Variants in ZNF175 observed in about 807,000 individuals in gnomAD.
ZNF175 encodes the protein zinc finger protein 175, also known as zinc finger protein OTK18.
A neutral mutation model predicts 14.0 loss-of-function variants in ZNF175; 8 were observed. The observed-to-expected ratio is 0.57, with a 90% CI of 0.34 to 1.03. The LOEUF is 1.03. Among genes scored for constraint, ZNF175 ranks in the 50% least tolerant of loss-of-function variants. ZNF175 has a pLI of 0.03. For missense variants in ZNF175, 764 were observed against 849.5 expected (o/e 0.90, Z 1.25); for synonymous variants, 255 against 296.8 (o/e 0.86, Z 1.45).
chr19:51,589,597 C>T lies in ZNF175; in HGVS notation c.*1130C>T, dbSNP rs1982292773. 2.8e-6 allele frequency: 2 copies of T among 701,900 alleles called. No individual in the cohort carries two copies. Among genetic ancestry groups the T allele is most frequent in the Non-Finnish European group, 5.2e-6 (2 of 384,732 alleles). The allele number at this position is 701,900 out of a possible 1,614,324, so 43.5% of individuals were successfully genotyped here. A position where few individuals can be genotyped will look rare whatever the true frequency, so the allele number is the denominator to read the frequency against. ...TCCATCTCCACCATCTATAGTGAGC[C>T]TCTCCATAATTAGTGCCAACCATTA... On this transcript the variant is annotated 3_prime_UTR_variant, in exon 5 of 5. Coordinates refer to ENST00000262259, the MANE Select transcript of ZNF175 (RefSeq NM_007147.4).
rs1443727792 is a variant in ZNF175, at chr19:51,591,285, GC to G, written c.*2819del. The G allele has an allele frequency of 6.6e-6, 1 of 152,266 alleles. No homozygotes were observed. Among genetic ancestry groups the G allele is most frequent in the African/African-American group, 2.4e-5 (1 of 41,414 alleles). 9.4% of individuals were successfully genotyped at this position (152,266 alleles called of 1,614,324 possible). ...TTTTTCTTTCCTCTCAGTACCAAGCGCTGGGACAAGCCAGTCTGTACTCAAT... is the reference window on the plus strand; with the variant it reads ...TTTTTCTTTCCTCTCAGTACCAAGCGTGGGACAAGCCAGTCTGTACTCAAT... On this transcript the variant is annotated 3_prime_UTR_variant, in exon 5 of 5. Transcript: ENST00000262259.
At chr19:51,577,723 G>A (rs1200559440) in intron 2 of ZNF175, among the ~76,000 whole-genome samples, 1 of 147,518 alleles carries the variant, frequency 6.8e-6, no homozygotes, top group Non-Finnish European at 1.5e-5. Flanking sequence ...GAGTGCAGTG[G>A]CACGATCTTG....
At chr19:51,582,460 G>T (rs1470926946) in intron 4 of ZNF175, among the ~76,000 whole-genome samples, 1 of 152,086 alleles carries the variant, frequency 6.6e-6, no homozygotes, top group Non-Finnish European at 1.5e-5. Context: ...ACCACACTCG[G>T]CTAATTTTTT....
At position 51,581,377 on chromosome 19, in the gene ZNF175, G is replaced by T; in HGVS notation, c.73-14G>T. The T allele has an allele frequency of 6.2e-7, 1 of 1,614,126 alleles. No homozygotes were observed. Among genetic ancestry groups the T allele is most frequent in the East Asian group, 2.2e-5 (1 of 44,882 alleles). Reference sequence around the variant, plus strand: ...ATGACCTAATTCACAGTGAGCTGGGGTACACTGTTACAGGCATCAGTGTCA... The same window carrying T: ...ATGACCTAATTCACAGTGAGCTGGGTTACACTGTTACAGGCATCAGTGTCA... On this transcript the variant is annotated splice_polypyrimidine_tract_variant and intron_variant, in intron 2 of 4. Transcript: ENST00000262259.
In ZNF175 at chr19:51,587,667, T is replaced by C; in HGVS notation, c.1336T>C (p.Ser446Pro). The change falls in exon 5 of 5, where the codon TCC (serine) becomes CCC (proline). Residue 446 changes from serine to proline, a missense_variant. By Grantham distance (74) the Ser-to-Pro change is moderately conservative (BLOSUM62 -1). Coordinates refer to ENST00000262259, the MANE Select transcript of ZNF175 (RefSeq NM_007147.4). ...LHQRIHSGQK[S>P]YVCIECGQAF... Reference sequence around the variant, plus strand: ...CCAGAGAATCCACTCAGGGCAGAAGTCCTATGTGTGTATCGAATGCGGGCA... The same window carrying C: ...CCAGAGAATCCACTCAGGGCAGAAGCCCTATGTGTGTATCGAATGCGGGCA... 1 of 1,613,182 alleles carries C rather than the reference T, an allele frequency of 6.2e-7. No homozygotes were observed. The highest frequency in any genetic ancestry group is 1.3e-5 in the African/African-American group (1 of 74,714).
At chr19:51,581,662 T>C in intron 3 of ZNF175, 125 bp from the exon 4 acceptor site, 1 of 1,515,408 alleles carries the variant, frequency 6.6e-7, no homozygotes, top group Non-Finnish European at 8.8e-7. Context: ...TTGGGCACCT[T>C]CTAGTATTAT....
Position 51,587,525 on chromosome 19 carries a change from A to G in ZNF175, c.1194A>G (p.Lys398=). The change falls in exon 5 of 5, where the codon AAA becomes AAG. Residue 398 remains lysine, a synonymous_variant. Coordinates refer to ENST00000262259, the MANE Select transcript of ZNF175 (RefSeq NM_007147.4). ...EKLYECSECG[K]GFSQNSTLII... ...TCTATGAATGCAGTGAATGTGGCAA[A>G]GGCTTCTCCCAAAACTCAACCCTCA... 1 of 1,614,204 alleles carries G rather than the reference A, an allele frequency of 6.2e-7. No individual in the cohort carries two copies. The highest frequency in any genetic ancestry group is 8.5e-7 in the Non-Finnish European group (1 of 1,180,032).
Position 51,581,458 on chromosome 19 carries a change from C to T in ZNF175, c.140C>T (p.Ala47Val), listed in dbSNP as rs558523564. The change falls in exon 3 of 5, where the codon GCC becomes GTC. Residue 47 changes from alanine to valine, a missense_variant. Ala to Val is a moderately conservative substitution (Grantham distance 64, BLOSUM62 0). Transcript: ENST00000262259. ...SREEWQQLDP[A>V]QRCLYRDVML... Reference sequence around the variant, plus strand: ...GAGGAGTGGCAGCAACTGGACCCTGCCCAGAGATGCCTGTACCGGGATGTG... The same window carrying T: ...GAGGAGTGGCAGCAACTGGACCCTGTCCAGAGATGCCTGTACCGGGATGTG... The T allele has an allele frequency of 3.1e-6, 5 of 1,614,094 alleles. No individual in the cohort carries two copies. In the African/African-American group the frequency reaches 5.3e-5, roughly 17 times the overall value.
intron 2 of ZNF175, among the ~76,000 whole-genome samples, chr19:51,574,702 A>C (rs1981714256): frequency 6.6e-6 from 1 of 152,236 alleles, no homozygotes. Flanking sequence ...GAAATTGTCT[A>C]AGTCTTTGTG....
chr19:51,589,316 A>T lies in ZNF175; in HGVS notation c.*849A>T, dbSNP rs1050768014. The T allele has an allele frequency of 1.4e-5, 8 of 553,852 alleles. No individual in the cohort carries two copies. In the African/African-American group the frequency reaches 1.5e-4, roughly 10 times the overall value. The allele number at this position is 553,852 out of a possible 1,614,324, so 34.3% of individuals were successfully genotyped here. A position where few individuals can be genotyped will look rare whatever the true frequency, so the allele number is the denominator to read the frequency against. On this transcript the variant is annotated 3_prime_UTR_variant, in exon 5 of 5. Coordinates refer to ENST00000262259, the MANE Select transcript of ZNF175 (RefSeq NM_007147.4). ...CCCTCAGTGCAGTGGGGTTTGCTGCAGAATTCACTGCATAGCAGGAGATGT... is the reference window on the plus strand; with the variant it reads ...CCCTCAGTGCAGTGGGGTTTGCTGCTGAATTCACTGCATAGCAGGAGATGT...
chr19:51,579,992 TAGAATGTTTTA>T (rs1981942237), intron 2 of ZNF175, among the ~76,000 whole-genome samples: 1 of 151,988 alleles, frequency 6.6e-6, no homozygotes, highest in South Asian at 2.1e-4. Flanking sequence ...ATATAGAATA[TAGAATGTTTTA>T]ATATATGTAA....
rs80115665 is a variant in ZNF175, at chr19:51,586,642, T to C, written c.311T>C (p.Leu104Pro). Residue 104 changes from leucine (L) to proline (P), a missense_variant, in exon 5 of 5, where the codon CTT becomes CCT. By Grantham distance (98) the Leu-to-Pro change is moderately conservative (BLOSUM62 -3). Transcript: ENST00000262259. ...CTCCTTTTAGAAAGGGAGTTTGGGC[T>C]TGAAATCCCACAAAAGGAGATTTCT... is the stretch of plus-strand genomic sequence containing the variant. ...HQRCQEREFGLEIPQKEISKK... is the reference protein window; with the variant it reads ...HQRCQEREFGPEIPQKEISKK... The C allele has an allele frequency of 1.5e-4, 241 of 1,592,342 alleles. 2 individuals are homozygous for C. The African/African-American group carries it at 3.0e-3, about 20-fold the overall frequency.
intron 4 of ZNF175, among the ~76,000 whole-genome samples, chr19:51,584,811 T>C (rs891526011): frequency 6.6e-6 from 1 of 152,136 alleles, no homozygotes; most frequent in Non-Finnish European, 1.5e-5. Context: ...TTAGAATGGC[T>C]ACAATTAAAA....
Position 51,581,804 on chromosome 19 carries a change from C to G in ZNF175, c.217C>G (p.Pro73Ala). The G allele has an allele frequency of 1.9e-6, 3 of 1,613,874 alleles. No homozygotes were observed. Among genetic ancestry groups the G allele is most frequent in the Non-Finnish European group, 2.5e-6 (3 of 1,179,922 alleles). ...ATTAACAGGGTATCACATTCCCAAC[C>G]CAGAGGTCATCTTCAGAATGCTAAA... ...LFAVGYHIPNPEVIFRMLKEK... is the reference protein window; with the variant it reads ...LFAVGYHIPNAEVIFRMLKEK... The change falls in exon 4 of 5, where the codon CCA (proline) becomes GCA (alanine). Residue 73 changes from proline to alanine, a missense_variant. By Grantham distance (27) the Pro-to-Ala change is conservative (BLOSUM62 -1). Transcript: ENST00000262259.
At chr19:51,586,573 T>G (rs1982168515) in intron 4 of ZNF175, 54 bp from the exon 5 acceptor site, 1 of 1,516,036 alleles carries the variant, frequency 6.6e-7, no homozygotes, top group Admixed American at 2.3e-5. Context: ...CTTCATGCAG[T>G]TTCTCCTCTT....
At chr19:51,586,236 G>A (rs1323515618) in intron 4 of ZNF175, among the ~76,000 whole-genome samples, 1 of 152,134 alleles carries the variant, frequency 6.6e-6, no homozygotes, top group Non-Finnish European at 1.5e-5. Context: ...TACTAGATCT[G>A]GGTGTCTAGA....
chr19:51,584,130 A>G (rs956195432), intron 4 of ZNF175, among the ~76,000 whole-genome samples: 7 of 152,238 alleles, frequency 4.6e-5, no homozygotes, highest in Admixed American at 1.3e-4. Context: ...GCCTTTGTGC[A>G]TCAATCATGT....
At chr19:51,579,675 A>G (rs956669054) in intron 2 of ZNF175, among the ~76,000 whole-genome samples, 4 of 152,226 alleles carry the variant, frequency 2.6e-5, no homozygotes, top group Non-Finnish European at 5.9e-5. Flanking sequence ...AAATTGGTAC[A>G]ACCAATTTGG....
Position 51,587,829 on chromosome 19 carries a change from G to C in ZNF175, c.1498G>C (p.Glu500Gln). Residue 500 changes from glutamate (E) to glutamine (Q), a missense_variant, in exon 5 of 5, where the codon GAG becomes CAG. Physicochemically the swap from Glu to Gln is conservative, Grantham distance 29. Coordinates refer to ENST00000262259, the MANE Select transcript of ZNF175 (RefSeq NM_007147.4). Reference sequence around the variant, plus strand: ...TATACATCATCGAATTCATACAGGGGAGAAACCTTATGAATGCAGTGACTG... The same window carrying C: ...TATACATCATCGAATTCATACAGGGCAGAAACCTTATGAATGCAGTGACTG... Reference protein sequence around the residue: ...LDIHHRIHTGEKPYECSDCGK... With the variant: ...LDIHHRIHTGQKPYECSDCGK... 2 of 1,614,084 alleles carry C rather than the reference G, an allele frequency of 1.2e-6. No individual in the cohort carries two copies. Among genetic ancestry groups the C allele is most frequent in the Non-Finnish European group, 1.7e-6 (2 of 1,180,016 alleles).
Sources: gnomAD v4.1 joint callset for allele counts (sites outside exome capture counted in the v4.1 genomes callset) on GRCh38, gnomAD v4.1.1 for gene constraint, MANE v1.5 for transcripts, NCBI Gene and HGNC (gene_info 2026-07-23, HGNC 2026-07-21) for gene names.